The following TBC1D1 variants were observed in gnomAD, a reference collection of about 807,000 sequenced individuals.
The protein encoded by TBC1D1 is TBC1 (tre-2/USP6, BUB2, cdc16) domain family, member 1.
TBC1D1 carries 89 observed loss-of-function variants against 125.6 expected under a neutral mutation model. That is an observed-to-expected ratio of 0.71 (90% CI 0.60 to 0.85). The LOEUF is 0.85. Ranked by LOEUF, TBC1D1 falls within the 40% of genes least tolerant of loss-of-function variation. TBC1D1 has a pLI of 0.00. For missense variants in TBC1D1, 1,377 were observed against 1,469.2 expected, an observed-to-expected ratio of 0.94 and a Z score of 1.03; for synonymous variants, 565 against 564.1, an observed-to-expected ratio of 1.00 and a Z score of -0.02.
chr4:38,130,975 A>G (rs1765490802), intron 18 of TBC1D1, among the ~76,000 whole-genome samples: 1 of 152,198 alleles, frequency 6.6e-6, no homozygotes, highest in African/African-American at 2.4e-5. Context: ...AATTAGCCCA[A>G]GGGCTGAAGC....
chr4:38,006,474 A>ATTTTTTTTTTTTTTTTTTTTTTTTTTTT (rs71190940), intron 2 of TBC1D1, among the ~76,000 whole-genome samples: 1 of 101,388 alleles, frequency 9.9e-6, no homozygotes, highest in African/African-American at 3.9e-5. Context: ...GACCAACACT[A>ATTTTTTTTTTTTTTTTTTTTTTTTTTTT]TTTTTTTTTT....
intron 12 of TBC1D1, among the ~76,000 whole-genome samples, chr4:38,087,314 A>T (rs1162392161): frequency 6.6e-6 from 1 of 152,262 alleles, no homozygotes; most frequent in Non-Finnish European, 1.5e-5. Flanking sequence ...GGTCCTTGTC[A>T]GTAGCCCAAG....
intron 8 of TBC1D1, among the ~76,000 whole-genome samples, chr4:38,042,754 TG>T (rs1748638112): frequency 6.6e-6 from 1 of 152,228 alleles, no homozygotes. Flanking sequence ...GGCTTCTCAC[TG>T]TTCTCAACCC....
At chr4:38,028,001 G>A (rs760694993) in intron 7 of TBC1D1, 122 bp downstream of exon 7, 20 of 639,490 alleles carry the variant, frequency 3.1e-5, no homozygotes, top group African/African-American at 9.4e-5. Context: ...CCTTGAGTTC[G>A]TCTTGGTTTC....
At chr4:38,124,138 C>G (rs1764274249) in intron 17 of TBC1D1, among the ~76,000 whole-genome samples, 1 of 152,122 alleles carries the variant, frequency 6.6e-6, no homozygotes, top group African/African-American at 2.4e-5. Context: ...TATTATTATT[C>G]TAGTTATTAG....
intron 10 of TBC1D1, 145 bp downstream of exon 10, chr4:38,046,048 C>T (rs561401467): frequency 4.5e-4 from 311 of 693,320 alleles, no homozygotes; most frequent in Non-Finnish European, 6.1e-4. Context: ...GCAGTTCTAT[C>T]ATAACATAAA....
At chr4:38,089,827 A>G in intron 12 of TBC1D1, 105 bp from the exon 15 acceptor site, 1 of 1,178,724 alleles carries the variant, frequency 8.5e-7, no homozygotes. Flanking sequence ...TGGTGATATT[A>G]TTATATTTTA....
chr4:38,115,584 C>T (rs1369146176), intron 15 of TBC1D1, 126 bp from the exon 18 acceptor site: 5 of 976,122 alleles, frequency 5.1e-6, no homozygotes, highest in Non-Finnish European at 7.5e-6. Context: ...GTGGCAAAGA[C>T]TGATTGATAT....
At position 38,118,443 on chromosome 4, in the gene TBC1D1, C is replaced by T. The variant is rs368969294; in HGVS notation, c.2962+251C>T. The T allele has an allele frequency of 2.5e-5, 11 of 434,520 alleles. No individual in the cohort carries two copies. In the South Asian group the frequency reaches 2.5e-4, roughly 10 times the overall value. The allele number at this position is 434,520 out of a possible 1,614,324, so 26.9% of individuals were successfully genotyped here. ...TGGATCCGATCCGTGTAGATCCGAT[C>T]GCTCACCATGAGGGTCTCCCTAGAG... On this transcript the variant is annotated intron_variant, in intron 17 of 19. Coordinates refer to ENST00000261439, the MANE Select transcript of TBC1D1 (RefSeq NM_015173.4).
chr4:38,030,110 T>G (rs1477718269), intron 7 of TBC1D1, among the ~76,000 whole-genome samples: 22 of 152,230 alleles, frequency 1.4e-4, no homozygotes, highest in Admixed American at 1.4e-3. Flanking sequence ...TAATGTGGGT[T>G]TTCTTTTTTG....
chr4:37,933,441 C>CAT (rs973041876), intron 2 of TBC1D1, among the ~76,000 whole-genome samples: 7 of 113,262 alleles, frequency 6.2e-5, no homozygotes, highest in Admixed American at 1.7e-4. Flanking sequence ...TTTACACACA[C>CAT]ACACACACAC....
chr4:37,963,728 G>A (rs989217276), intron 2 of TBC1D1, among the ~76,000 whole-genome samples: 1 of 152,172 alleles, frequency 6.6e-6, no homozygotes, highest in Non-Finnish European at 1.5e-5. Flanking sequence ...AATTACATGG[G>A]TGTCTCTTAT....
At chr4:38,009,304 C>T (rs991429035) in intron 2 of TBC1D1, among the ~76,000 whole-genome samples, 11 of 152,006 alleles carry the variant, frequency 7.2e-5, no homozygotes, top group African/African-American at 2.4e-4. Flanking sequence ...ACAATGTGTC[C>T]GGCCATATTT....
intron 14 of TBC1D1, among the ~76,000 whole-genome samples, chr4:38,102,099 G>C (rs201495132): frequency 1.7e-5 from 2 of 114,828 alleles, no homozygotes; most frequent in South Asian, 3.7e-4. Flanking sequence ...ATCGTGGGGT[G>C]GGGGGAGGGG....
chr4:38,017,659 A>C (rs193252798), intron 3 of TBC1D1, among the ~76,000 whole-genome samples: 30 of 152,346 alleles, frequency 2.0e-4, no homozygotes, highest in African/African-American at 7.2e-4. Flanking sequence ...CAGCGTCAGG[A>C]TGTGACCACT....
rs1240986168 is a variant in TBC1D1 at position 38,058,960 on chromosome 4, G to A, written c.2050+4622G>A. ...TACAAAGTCAGGCACAGTGGATAGA[G>A]GTGGATAGTCTAATCTCTAATAGTA... On this transcript the variant is annotated intron_variant, in intron 12 of 19. Coordinates refer to ENST00000261439, the MANE Select transcript of TBC1D1 (RefSeq NM_015173.4). Among the ~76,000 whole-genome samples, 5 of 152,186 alleles carry A rather than the reference G, an allele frequency of 3.3e-5. No individual in the cohort carries two copies. In the South Asian group the frequency reaches 6.2e-4, roughly 19 times the overall value.
chr4:37,999,225 C>T (rs1738492866), intron 2 of TBC1D1, among the ~76,000 whole-genome samples: 1 of 152,088 alleles, frequency 6.6e-6, no homozygotes, highest in African/African-American at 2.4e-5. Context: ...GCACTCCAGC[C>T]TGGGTGAGTG....
chr4:38,133,392 C>G (rs768235419), intron 19 of TBC1D1, 135 bp downstream of exon 21: 15 of 712,218 alleles, frequency 2.1e-5, no homozygotes, highest in Non-Finnish European at 3.1e-5. Context: ...TAGTTGGGAT[C>G]AAAGGTATCC....
At chr4:37,963,397 G>A (rs1356931027) in intron 2 of TBC1D1, among the ~76,000 whole-genome samples, 2 of 151,680 alleles carry the variant, frequency 1.3e-5, no homozygotes, top group East Asian at 2.0e-4. Context: ...GTTGAGGTGG[G>A]GGGTGAGGGA....
Sources: allele counts gnomAD v4.1 joint callset (sites outside exome capture counted in the v4.1 genomes callset), GRCh38; gene constraint gnomAD v4.1.1; transcripts MANE v1.5; gene names NCBI Gene and HGNC (gene_info 2026-07-23, HGNC 2026-07-21).